Variants in DDB1 observed in about 807,000 individuals in gnomAD.
DDB1 encodes the protein DNA damage-binding protein 1.
DDB1 carries 18 observed loss-of-function variants against 133.1 expected under a neutral mutation model. That is an observed-to-expected ratio of 0.14 (90% CI 0.09 to 0.20). The LOEUF (loss-of-function observed/expected upper bound fraction) is 0.20. Among genes scored for constraint, DDB1 ranks in the 10% least tolerant of loss-of-function variants. The pLI, the probability that DDB1 is intolerant of heterozygous loss-of-function variation, is 1.00. For missense variants in DDB1, 828 were observed against 1,459.2 expected, an observed-to-expected ratio of 0.57 and a Z score of 7.05; for synonymous variants, 580 against 550.5, an observed-to-expected ratio of 1.05 and a Z score of -0.75.
chr11:61,322,261 A>G (rs1263735799), intron 9 of DDB1, 35 bp downstream of exon 9: 6 of 1,528,698 alleles, frequency 3.9e-6, no homozygotes, highest in Non-Finnish European at 5.4e-6. Context: ...TTGAGTGGGC[A>G]TATACCAACT....
chr11:61,318,190 TTATC>T (rs1434251672), intron 10 of DDB1, among the ~76,000 whole-genome samples: 2 of 152,222 alleles, frequency 1.3e-5, no homozygotes, highest in Non-Finnish European at 2.9e-5. Context: ...TGTAAATCAT[TTATC>T]TATAATTATT....
At chr11:61,326,474 T>C (rs908150240) in intron 5 of DDB1, among the ~76,000 whole-genome samples, 1 of 152,114 alleles carries the variant, frequency 6.6e-6, no homozygotes, top group South Asian at 2.1e-4. Flanking sequence ...TGCCCAGCAA[T>C]AAAATAATGA....
intron 22 of DDB1, among the ~76,000 whole-genome samples, chr11:61,303,580 C>A (rs1398897415): frequency 6.6e-6 from 1 of 151,342 alleles, no homozygotes; most frequent in South Asian, 2.1e-4. Context: ...CCCAGCTACT[C>A]GTAGTCCCAG....
Position 61,302,214 on chromosome 11 carries a change from C to T in DDB1, c.3215+43G>A, listed in dbSNP as rs200814352. ...ATGTGACTCCGTGTGCCACATATGCCGGGATGTGCTTCCCAGCAAGGGGAT... is the reference window on the plus strand; with the variant it reads ...ATGTGACTCCGTGTGCCACATATGCTGGGATGTGCTTCCCAGCAAGGGGAT... On this transcript the variant is annotated intron_variant, in intron 25 of 26. Coordinates refer to ENST00000301764, the MANE Select transcript of DDB1 (RefSeq NM_001923.5). 118 of 1,533,724 alleles carry T rather than the reference C, an allele frequency of 7.7e-5. No individual in the cohort carries two copies. The African/African-American group carries it at 1.2e-3, about 15-fold the overall frequency.
At chr11:61,303,462 G>C in intron 22 of DDB1, 1 of 319,096 alleles carries the variant, frequency 3.1e-6, no homozygotes, top group South Asian at 3.4e-5. Flanking sequence ...GCCGTGGCGG[G>C]CCGATTATGA....
chr11:61,305,612 C>T (rs886278041), intron 21 of DDB1, among the ~76,000 whole-genome samples: 4 of 152,198 alleles, frequency 2.6e-5, no homozygotes, highest in African/African-American at 9.7e-5. Context: ...GCTGGGCCTC[C>T]ACACCTCCAA....
chr11:61,329,929 C>G (rs1856338491), intron 3 of DDB1, 29 bp downstream of exon 3: 1 of 1,582,164 alleles, frequency 6.3e-7, no homozygotes, highest in African/African-American at 1.4e-5. Flanking sequence ...ACTTAGAAAA[C>G]TTTCATTGGC....
In DDB1 at chr11:61,326,896, G is replaced by T. The variant is rs763109671; in HGVS notation, c.550-3C>A. The T allele has an allele frequency of 3.1e-6, 5 of 1,602,760 alleles. No homozygotes were observed. The highest frequency in any genetic ancestry group is 2.7e-5 in the African/African-American group (2 of 74,652). On this transcript the variant is annotated splice_polypyrimidine_tract_variant and splice_region_variant and intron_variant, in intron 4 of 26. Transcript: ENST00000301764. ...TTTACGTGCCGCCCCTGAGGGTCCT[G>T]GGGGGGAAAGGTAAAATGGTTAGCC...
In DDB1 at chr11:61,327,208, G is replaced by A. The variant is rs939455783; in HGVS notation, c.550-315C>T. ...CTGTGTGCCAGGCACAGTGGCTCAC[G>A]CCTGTAATCCCAGAACTTTGGAAGG... On this transcript the variant is annotated intron_variant, in intron 4 of 26. Transcript: ENST00000301764. Among the ~76,000 whole-genome samples, 9 of 152,276 alleles carry A rather than the reference G, an allele frequency of 5.9e-5. No homozygotes were observed. The East Asian group carries it at 7.7e-4, about 13-fold the overall frequency.
At chr11:61,316,065 TACAC>T (rs984341212) in intron 12 of DDB1, 1 of 472,568 alleles carries the variant, frequency 2.1e-6, no homozygotes, top group South Asian at 4.3e-5. Context: ...TGTAAATAAA[TACAC>T]AGACATTTGC....
At position 61,300,138 on chromosome 11, in the gene DDB1, A is replaced by C; in HGVS notation, c.3421T>G (p.Ter1141GluextTer54). 1 of 1,614,110 alleles carries C rather than the reference A, an allele frequency of 6.2e-7. No homozygotes were observed. Among genetic ancestry groups the C allele is most frequent in the Non-Finnish European group, 8.5e-7 (1 of 1,180,004 alleles). The change falls in exon 27 of 27, where the codon TAG (stop) becomes GAG (glutamate). Residue 1141 changes from the stop codon to glutamate (E), a stop_lost. Transcript: ENST00000301764. ...KVVEELTRIH[*>E] Reference sequence around the variant, plus strand: ...GCAAAGGGGCCCCCTGCCCTTGGCTAATGGATCCGAGTTAGCTCCTCCACA... The same window carrying C: ...GCAAAGGGGCCCCCTGCCCTTGGCTCATGGATCCGAGTTAGCTCCTCCACA...
At chr11:61,321,316 T>G (rs1590694819) in intron 10 of DDB1, 1 of 260,970 alleles carries the variant, frequency 3.8e-6, no homozygotes, top group Admixed American at 5.1e-5. Flanking sequence ...ATTCTATCGG[T>G]TGCCTCATAT....
intron 21 of DDB1, among the ~76,000 whole-genome samples, chr11:61,304,910 CT>C (rs796407853): frequency 6.6e-6 from 1 of 151,422 alleles, no homozygotes; most frequent in African/African-American, 2.4e-5. Context: ...AAAGAAACTG[CT>C]TTTTTCTGTC....
At chr11:61,303,766 G>A in intron 22 of DDB1, 99 bp downstream of exon 22, 1 of 1,114,094 alleles carries the variant, frequency 9.0e-7, no homozygotes, top group Non-Finnish European at 1.3e-6. Flanking sequence ...AAACATTTCT[G>A]CCCCTAATAC....
intron 17 of DDB1, 42 bp from the exon 18 acceptor site, chr11:61,311,937 A>G: frequency 6.2e-7 from 1 of 1,613,966 alleles, no homozygotes; most frequent in Non-Finnish European, 8.5e-7. Context: ...TTAGAAAGTC[A>G]GAAGCACCCT....
chr11:61,299,807 A>ACACG lies in DDB1; in HGVS notation c.*325_*328dup. The ACACG allele has an allele frequency of 2.4e-6, 1 of 424,868 alleles. No individual in the cohort carries two copies. The highest frequency in any genetic ancestry group is 2.2e-5 in the South Asian group (1 of 46,092). The allele number at this position is 424,868 out of a possible 1,614,324, so 26.3% of individuals were successfully genotyped here. On this transcript the variant is annotated 3_prime_UTR_variant, in exon 27 of 27. Coordinates refer to ENST00000301764, the MANE Select transcript of DDB1 (RefSeq NM_001923.5). ...TACACACACACACATACACACACAC[A>ACACG]CACGCACAGCTTCCTTTCAGCCAAA...
chr11:61,323,513 G>C (rs967201290), intron 7 of DDB1: 1 of 242,414 alleles, frequency 4.1e-6, no homozygotes, highest in African/African-American at 2.3e-5. Context: ...CCCGGGCTAA[G>C]GTGATCCTCC....
At chr11:61,321,752 T>C in intron 9 of DDB1, 55 bp from the exon 10 acceptor site, 1 of 1,473,576 alleles carries the variant, frequency 6.8e-7, no homozygotes, top group Non-Finnish European at 9.5e-7. Flanking sequence ...GGGCCAGTCA[T>C]ACTGATGCCC....
Position 61,332,920 on chromosome 11 carries a change from C to T in DDB1, c.49G>A (p.Gly17Ser), listed in dbSNP as rs1218174612. 6.7e-7 allele frequency: 1 copy of T among 1,499,166 alleles called. No homozygotes were observed. Among genetic ancestry groups the T allele is most frequent in the Non-Finnish European group, 9.0e-7 (1 of 1,116,216 alleles). 92.9% of individuals were successfully genotyped at this position (1,499,166 alleles called of 1,614,324 possible). A position where few individuals can be genotyped will look rare whatever the true frequency, so the allele number is the denominator to read the frequency against. ...CCGGCAGCCTCACCGGTCACGCAGC[C>T]GTTCACGGCGGTGGGCTTCTGGGCC... ...VTAQKPTAVN[G>S]CVTGHFTSAE... The change falls in exon 1 of 27, where the codon GGC (glycine) becomes AGC (serine). Residue 17 changes from glycine to serine, a missense_variant. Coordinates refer to ENST00000301764, the MANE Select transcript of DDB1 (RefSeq NM_001923.5).
Sources: gnomAD v4.1 joint callset for allele counts (sites outside exome capture counted in the v4.1 genomes callset) on GRCh38, gnomAD v4.1.1 for gene constraint, MANE v1.5 for transcripts, NCBI Gene and HGNC (gene_info 2026-07-23, HGNC 2026-07-21) for gene names.